Variants in STXBP3 observed in about 807,000 individuals in gnomAD.
STXBP3 encodes syntaxin-binding protein 3.
A neutral mutation model predicts 85.7 loss-of-function variants in STXBP3; 41 were observed. The ratio of observed to expected loss-of-function variants is 0.48; its 90% CI spans 0.37 to 0.62. STXBP3 has a LOEUF of 0.62. Among genes scored for constraint, STXBP3 ranks in the 20% least tolerant of loss-of-function variants. The pLI is 0.00. For missense variants in STXBP3, 563 were observed against 703.1 expected, an observed-to-expected ratio of 0.80 and a Z score of 2.25; for synonymous variants, 229 against 231.7, an observed-to-expected ratio of 0.99 and a Z score of 0.10.
intron 11 of STXBP3, 43 bp from the exon 12 acceptor site, chr1:108,793,539 C>T (rs368692466): frequency 6.6e-7 from 1 of 1,505,822 alleles, no homozygotes. Context: ...TATGGAATAA[C>T]TGAATCATAG....
At chr1:108,785,859 A>T (rs1662815161) in intron 11 of STXBP3, among the ~76,000 whole-genome samples, 1 of 152,162 alleles carries the variant, frequency 6.6e-6, no homozygotes, top group Non-Finnish European at 1.5e-5. Flanking sequence ...AGTTCCCAAG[A>T]AGTTTATCAT....
chr1:108,753,179 T>A, intron 3 of STXBP3, 35 bp downstream of exon 3: 1 of 1,444,374 alleles, frequency 6.9e-7, no homozygotes, highest in Non-Finnish European at 9.3e-7. Flanking sequence ...ACTTTTTAAT[T>A]GTAATTGGGG....
At chr1:108,797,729 ATG>A (rs1199733326) in intron 15 of STXBP3, among the ~76,000 whole-genome samples, 1 of 145,950 alleles carries the variant, frequency 6.9e-6, no homozygotes, top group Admixed American at 6.9e-5. Flanking sequence ...TTTTGTGTGT[ATG>A]TGTGTGTGTG....
chr1:108,757,031 T>C (rs763817195), intron 4 of STXBP3: 28 of 245,212 alleles, frequency 1.1e-4, no homozygotes, highest in Non-Finnish European at 2.0e-4. Flanking sequence ...ATGTTTTGTT[T>C]TTCATGCAGT....
intron 11 of STXBP3, 22 bp downstream of exon 11, chr1:108,782,728 C>G (rs1001703715): frequency 1.3e-6 from 2 of 1,565,470 alleles, no homozygotes; most frequent in South Asian, 1.2e-5. Flanking sequence ...ACTTAACTTT[C>G]AAAGTAATAG....
chr1:108,797,162 C>G (rs1663121251), intron 15 of STXBP3, among the ~76,000 whole-genome samples: 1 of 151,824 alleles, frequency 6.6e-6, no homozygotes, highest in African/African-American at 2.4e-5. Flanking sequence ...CGAGACCAGC[C>G]TGGGCATCAT....
intron 4 of STXBP3, among the ~76,000 whole-genome samples, chr1:108,757,286 A>T (rs1321710300): frequency 6.6e-6 from 1 of 152,050 alleles, no homozygotes; most frequent in Non-Finnish European, 1.5e-5. Context: ...AGATTTCTTT[A>T]TTCTGTACAA....
Position 108,746,755 on chromosome 1 carries a change from A to T in STXBP3, c.18A>T (p.Ala6=). 2 of 1,550,236 alleles carry T rather than the reference A, an allele frequency of 1.3e-6. No individual in the cohort carries two copies. The highest frequency in any genetic ancestry group is 1.7e-6 in the Non-Finnish European group (2 of 1,146,356). MAPPV[A]ERGLKSVVWQ... Reference sequence around the variant, plus strand: ...TCGGGAAGATGGCGCCGCCGGTGGCAGAGAGGGGGCTAAAGAGCGTCGTGT... The same window carrying T: ...TCGGGAAGATGGCGCCGCCGGTGGCTGAGAGGGGGCTAAAGAGCGTCGTGT... The change falls in exon 1 of 19, where the codon GCA becomes GCT. Residue 6 remains alanine (A), a synonymous_variant. Transcript: ENST00000370008.
chr1:108,759,963 C>CT (rs778880904), intron 5 of STXBP3, 22 bp from the exon 6 acceptor site: 16 of 1,407,514 alleles, frequency 1.1e-5, no homozygotes, highest in African/African-American at 1.5e-5. Context: ...TAACTATATG[C>CT]TTTGTTTTTT....
chr1:108,789,991 C>CAAA (rs35345273), intron 11 of STXBP3, among the ~76,000 whole-genome samples: 14 of 121,192 alleles, frequency 1.2e-4, no homozygotes, highest in African/African-American at 2.4e-4. Flanking sequence ...GACTCTGTCT[C>CAAA]AAAAAAAAAA....
chr1:108,778,441 T>TA (rs1662634668), intron 8 of STXBP3, among the ~76,000 whole-genome samples: 1 of 152,198 alleles, frequency 6.6e-6, no homozygotes, highest in African/African-American at 2.4e-5. Context: ...TACAGTCTTT[T>TA]AAAATAGCAT....
rs1388801663 is a variant in STXBP3 at position 108,772,178 on chromosome 1, CTA to C, written c.439-481_439-480del. On this transcript the variant is annotated intron_variant, in intron 6 of 18. Transcript: ENST00000370008. ...ATATATAAATACATATGATATCTAT[CTA>C]TATATCATATATAAATACATGATAT... 1.6e-4 allele frequency among the ~76,000 whole-genome samples: 14 copies of C among 87,128 alleles called. 1 individual carries two copies. Among genetic ancestry groups the C allele is most frequent in the Admixed American group, 3.6e-4 (3 of 8,382 alleles). The allele number at this position is 87,128 out of a possible 152,430, so 57.2% of individuals were successfully genotyped here. A position where few individuals can be genotyped will look rare whatever the true frequency, so the allele number is the denominator to read the frequency against.
At chr1:108,800,864 G>A (rs973120690) in intron 17 of STXBP3, among the ~76,000 whole-genome samples, 1 of 152,144 alleles carries the variant, frequency 6.6e-6, no homozygotes, top group Non-Finnish European at 1.5e-5. Flanking sequence ...TTGTGTCTAG[G>A]TATAGTTCTC....
At chr1:108,754,280 C>T (rs1661973268) in intron 3 of STXBP3, among the ~76,000 whole-genome samples, 1 of 152,198 alleles carries the variant, frequency 6.6e-6, no homozygotes, top group Non-Finnish European at 1.5e-5. Context: ...AAGTAATCCA[C>T]TTGCCTTGGC....
At chr1:108,747,121 C>CACTCTTCTCCGCTCCCGTCCGCGCTCCCG (rs1661805449) in intron 1 of STXBP3, among the ~76,000 whole-genome samples, 1 of 152,198 alleles carries the variant, frequency 6.6e-6, no homozygotes, top group African/African-American at 2.4e-5. Flanking sequence ...CCGCGCTCCC[C>CACTCTTCTCCGCTCCCGTCCGCGCTCCCG]ACTCTTCTCC....
At chr1:108,766,942 C>T (rs570042827) in intron 6 of STXBP3, 3 of 535,520 alleles carry the variant, frequency 5.6e-6, no homozygotes, top group South Asian at 4.2e-5. Context: ...TTCAGTGGCA[C>T]TATTCCAATT....
At chr1:108,779,681 T>G in intron 9 of STXBP3, 1 of 214,078 alleles carries the variant, frequency 4.7e-6, no homozygotes, top group Non-Finnish European at 9.0e-6. Flanking sequence ...CACAGGGAAT[T>G]TGGCCCTTTT....
At chr1:108,754,473 A>G (rs1396687693) in intron 3 of STXBP3, among the ~76,000 whole-genome samples, 1 of 152,222 alleles carries the variant, frequency 6.6e-6, no homozygotes, top group African/African-American at 2.4e-5. Context: ...TGATTAAGCC[A>G]CTTAAGTTTT....
chr1:108,752,253 A>G lies in STXBP3; in HGVS notation c.50-4A>G, dbSNP rs1476020975. ...CCTAAGTAATTCCTTTCTTTTTTAA[A>G]CAGAGATAAAAGCAACAGTGTTTGA... On this transcript the variant is annotated splice_region_variant and splice_polypyrimidine_tract_variant and intron_variant, in intron 1 of 18. Transcript: ENST00000370008. 1.9e-6 allele frequency: 3 copies of G among 1,607,976 alleles called. No homozygotes were observed. Among genetic ancestry groups the G allele is most frequent in the South Asian group, 2.2e-5 (2 of 89,570 alleles).
Sources: gnomAD v4.1 joint callset for allele counts (sites outside exome capture counted in the v4.1 genomes callset) on GRCh38, gnomAD v4.1.1 for gene constraint, MANE v1.5 for transcripts, NCBI Gene and HGNC (gene_info 2026-07-23, HGNC 2026-07-21) for gene names.